The following DAG1 variants were observed in gnomAD, a reference collection of about 807,000 sequenced individuals.
The protein encoded by DAG1 is dystroglycan 1.
Under a neutral mutation model 46.1 loss-of-function variants are expected in DAG1, and 8 were observed. The observed-to-expected ratio is 0.17, with a 90% confidence interval of 0.10 to 0.31. DAG1 has a LOEUF of 0.31. Among genes scored for constraint, DAG1 ranks in the 10% least tolerant of loss-of-function variants. DAG1 has a pLI of 1.00. For synonymous variants in DAG1, 495 were observed against 481.8 expected, an observed-to-expected ratio of 1.03 and a Z score of -0.36; for missense variants, 1,003 against 1,189.9, an observed-to-expected ratio of 0.84 and a Z score of 2.31.
At chr3:49,497,881 A>G (rs912535881) in intron 1 of DAG1, among the ~76,000 whole-genome samples, 1 of 152,184 alleles carries the variant, frequency 6.6e-6, no homozygotes, top group South Asian at 2.1e-4. Flanking sequence ...TCCCTAGAAC[A>G]TGTCTGCACC....
Position 49,531,991 on chromosome 3 carries a change from A to C in DAG1, c.1480A>C (p.Asn494His), listed in dbSNP as rs1457319153. 6.2e-7 allele frequency: 1 copy of C among 1,614,180 alleles called. No homozygotes were observed. The highest frequency in any genetic ancestry group is 1.1e-5 in the South Asian group (1 of 91,076). ...TSGVPRGGEP[N>H]QRPELKNHID... ...TGGAGTGCCCCGTGGCGGAGAACCC[A>C]ACCAGCGCCCAGAGCTCAAGAACCA... is the stretch of plus-strand genomic sequence containing the variant. Residue 494 changes from asparagine (N) to histidine (H), a missense_variant, in exon 3 of 3, where the codon AAC becomes CAC. By Grantham distance (68) the Asn-to-His change is moderately conservative. Coordinates refer to ENST00000308775, the MANE Select transcript of DAG1 (RefSeq NM_004393.6). The surrounding 1 kb of genome is among the most constrained non-coding windows in gnomAD (Gnocchi z 7.0).
Position 49,535,095 on chromosome 3 carries a change from G to A in DAG1, c.*1896G>A, listed in dbSNP as rs535207081. 1 of 152,340 alleles carries A rather than the reference G, an allele frequency of 6.6e-6. No individual in the cohort carries two copies. Among genetic ancestry groups the A allele is most frequent in the South Asian group, 2.1e-4 (1 of 4,826 alleles). The allele number at this position is 152,340 out of a possible 1,614,324, so 9.4% of individuals were successfully genotyped here. A position where few individuals can be genotyped will look rare whatever the true frequency, so the allele number is the denominator to read the frequency against. On this transcript the variant is annotated 3_prime_UTR_variant, in exon 3 of 3. Transcript: ENST00000308775. ...GTACTCTGGAGTGAGCAGTGCCCCT[G>A]TGGGGGAGCCTGTAAATGCGGGCTC...
In DAG1 at chr3:49,533,398, CTTT is replaced by C. The variant is rs775251677; in HGVS notation, c.*203_*205del. 4.9e-6 allele frequency: 4 copies of C among 814,736 alleles called. No individual in the cohort carries two copies. Among genetic ancestry groups the C allele is most frequent in the South Asian group, 1.4e-5 (1 of 68,988 alleles). The allele number at this position is 814,736 out of a possible 1,614,324, so 50.5% of individuals were successfully genotyped here. A position where few individuals can be genotyped will look rare whatever the true frequency, so the allele number is the denominator to read the frequency against. ...AAAGCAGCTGGAGAGACTTTGGGGA[CTTT>C]TTTATTTTTATTTTTTGCCTAACAG... On this transcript the variant is annotated 3_prime_UTR_variant, in exon 3 of 3. Transcript: ENST00000308775.
At chr3:49,522,946 T>A (rs999173758) in intron 2 of DAG1, among the ~76,000 whole-genome samples, 8 of 152,168 alleles carry the variant, frequency 5.3e-5, no homozygotes, top group African/African-American at 1.9e-4. Flanking sequence ...GCCTTGCCTC[T>A]CCCAGCTCCA....
At chr3:49,506,947 T>TAAAAAAGAAAAATGAAAAAA (rs2050620678) in intron 1 of DAG1, among the ~76,000 whole-genome samples, 3 of 140,642 alleles carry the variant, frequency 2.1e-5, no homozygotes, top group Admixed American at 1.4e-4. Context: ...ACCCCATTTC[T>TAAAAAAGAAAAATGAAAAAA]AAAAAAGAAA....
intron 2 of DAG1, among the ~76,000 whole-genome samples, chr3:49,529,909 A>G (rs1029236055): frequency 6.6e-6 from 1 of 152,142 alleles, no homozygotes; most frequent in African/African-American, 2.4e-5. Flanking sequence ...AGGGACTTCC[A>G]CAACAAAAGA....
At chr3:49,505,676 A>C (rs535607268) in intron 1 of DAG1, among the ~76,000 whole-genome samples, 3 of 152,104 alleles carry the variant, frequency 2.0e-5, no homozygotes, top group Non-Finnish European at 2.9e-5. Flanking sequence ...CTGTATGCCA[A>C]ACTTTTTTTT....
rs1320232858 is a variant in DAG1 at position 49,531,251 on chromosome 3, A to G, written c.740A>G (p.Asn247Ser). Reference sequence around the variant, plus strand: ...TCGGCCTTCATGGCTGGCCCGGGAAATGCAAAAAAGGTGGTGGAGAATGGG... The same window carrying G: ...TCGGCCTTCATGGCTGGCCCGGGAAGTGCAAAAAAGGTGGTGGAGAATGGG... ...DMSAFMAGPG[N>S]AKKVVENGAL... The change falls in exon 3 of 3, where the codon AAT becomes AGT. Residue 247 changes from asparagine to serine, a missense_variant. Around this residue, in one of 3 missense-constraint regions of DAG1, gnomAD observed 52 missense variants for 96.7 expected, o/e 0.54. Coordinates refer to ENST00000308775, the MANE Select transcript of DAG1 (RefSeq NM_004393.6). The surrounding 1 kb of genome is among the most constrained non-coding windows in gnomAD (Gnocchi z 7.0). 7.4e-6 allele frequency: 12 copies of G among 1,614,018 alleles called. No individual in the cohort carries two copies. Among genetic ancestry groups the G allele is most frequent in the Non-Finnish European group, 1.0e-5 (12 of 1,180,030 alleles).
intron 1 of DAG1, among the ~76,000 whole-genome samples, chr3:49,474,956 C>T (rs1330728880): frequency 2.0e-5 from 3 of 151,848 alleles, no homozygotes; most frequent in Admixed American, 6.6e-5. Context: ...GGACTACAGG[C>T]GCCCGCCACC....
At chr3:49,502,621 A>G (rs2050484055) in intron 1 of DAG1, among the ~76,000 whole-genome samples, 1 of 150,056 alleles carries the variant, frequency 6.7e-6, no homozygotes, top group South Asian at 2.1e-4. Context: ...GCTAAATTGT[A>G]AGACATCTTT....
At chr3:49,481,154 C>T (rs1223999486) in intron 1 of DAG1, among the ~76,000 whole-genome samples, 16 of 147,500 alleles carry the variant, frequency 1.1e-4, no homozygotes, top group Admixed American at 8.8e-4. Flanking sequence ...CTTTGGGAGG[C>T]TGAGGCGGGC....
chr3:49,514,989 A>G (rs2050860422), intron 2 of DAG1, among the ~76,000 whole-genome samples: 2 of 152,164 alleles, frequency 1.3e-5, no homozygotes, highest in Non-Finnish European at 2.9e-5. Flanking sequence ...CCTCCTGAAT[A>G]GCTGGGACTA....
intron 1 of DAG1, among the ~76,000 whole-genome samples, chr3:49,495,961 A>T (rs1022504860): frequency 6.6e-6 from 1 of 151,464 alleles, no homozygotes; most frequent in Non-Finnish European, 1.5e-5. Context: ...AAAAAAAAAA[A>T]CCCCAAATGG....
rs183920532 is a variant in DAG1, at chr3:49,475,789, C to T, written c.-117+5356C>T. On this transcript the variant is annotated intron_variant, in intron 1 of 2. Coordinates refer to ENST00000308775, the MANE Select transcript of DAG1 (RefSeq NM_004393.6). ...TGCGATCCTGGCTCACTGTAAGCTC[C>T]GCCTCCTGGGTTCATGACATTCTCC... is the stretch of plus-strand genomic sequence containing the variant. Among the ~76,000 whole-genome samples, 296 of 151,468 alleles carry T rather than the reference C, an allele frequency of 2.0e-3. 2 individuals carry two copies. Among genetic ancestry groups the T allele is most frequent in the African/African-American group, 6.8e-3 (281 of 41,306 alleles).
chr3:49,533,179 C>T lies in DAG1; in HGVS notation c.2668C>T (p.Pro890Ser). The T allele has an allele frequency of 6.2e-7, 1 of 1,613,584 alleles. No homozygotes were observed. Among genetic ancestry groups the T allele is most frequent in the Non-Finnish European group, 8.5e-7 (1 of 1,180,016 alleles). Residue 890 changes from proline (P) to serine (S), a missense_variant, in exon 3 of 3, where the codon CCT becomes TCT. Pro to Ser is a moderately conservative substitution (Grantham distance 74). This residue lies in a region of DAG1 where 755 missense variants were observed against 854.1 expected (regional missense o/e 0.88). Transcript: ENST00000308775. Reference sequence around the variant, plus strand: ...GAACATGACCCCATACCGGTCACCTCCTCCCTATGTCCCACCTTAACCCGC... The same window carrying T: ...GAACATGACCCCATACCGGTCACCTTCTCCCTATGTCCCACCTTAACCCGC... Reference protein sequence around the residue: ...PKNMTPYRSPPPYVPP With the variant: ...PKNMTPYRSPSPYVPP
chr3:49,488,749 C>A (rs925166059), intron 1 of DAG1: 4 of 151,842 alleles, frequency 2.6e-5, no homozygotes, highest in African/African-American at 9.7e-5. Context: ...ATTACAGGTG[C>A]GTGCCACTAT....
Position 49,534,481 on chromosome 3 carries a change from A to G in DAG1, c.*1282A>G, listed in dbSNP as rs1368782524. Reference sequence around the variant, plus strand: ...GCTCTCAAAGCTAATTTTTTACTAAAGTTTTTATACAGCCTCAAATTGTTT... The same window carrying G: ...GCTCTCAAAGCTAATTTTTTACTAAGGTTTTTATACAGCCTCAAATTGTTT... On this transcript the variant is annotated 3_prime_UTR_variant, in exon 3 of 3. Coordinates refer to ENST00000308775, the MANE Select transcript of DAG1 (RefSeq NM_004393.6). 6.6e-6 allele frequency: 1 copy of G among 152,612 alleles called. No homozygotes were observed. The highest frequency in any genetic ancestry group is 2.1e-4 in the South Asian group (1 of 4,838). 9.5% of individuals were successfully genotyped at this position (152,612 alleles called of 1,614,324 possible).
At chr3:49,495,108 G>T (rs1394919335) in intron 1 of DAG1, among the ~76,000 whole-genome samples, 1 of 152,052 alleles carries the variant, frequency 6.6e-6, no homozygotes, top group African/African-American at 2.4e-5. Context: ...GGAACCATTG[G>T]CATCCAGCCT....
intron 1 of DAG1, among the ~76,000 whole-genome samples, chr3:49,474,227 TTTA>T (rs1359991215): frequency 1.3e-5 from 2 of 151,220 alleles, no homozygotes; most frequent in Non-Finnish European, 2.9e-5. Context: ...GCTGATTTTT[TTTA>T]TTTTTAGTCG....
Sources: gnomAD v4.1 joint callset for allele counts (sites outside exome capture counted in the v4.1 genomes callset) on GRCh38, gnomAD v4.1.1 for gene constraint, gnomAD v4.1.1 regional missense constraint, Gnocchi (gnomAD v3.1) non-coding constraint, MANE v1.5 for transcripts, NCBI Gene and HGNC (gene_info 2026-07-23, HGNC 2026-07-21) for gene names.